The following TNS3 variants were observed in gnomAD, a reference collection of about 807,000 sequenced individuals.
TNS3 encodes the protein tensin 3, also known as tensin-3.
In TNS3, 45 loss-of-function variants were observed where a neutral mutation model predicts 140.9. The ratio of observed to expected loss-of-function variants is 0.32; its 90% CI spans 0.25 to 0.41. The LOEUF is 0.41. TNS3 is among the 10% of genes least tolerant of loss of function. TNS3 has a pLI of 1.00. For synonymous variants in TNS3, 815 were observed against 788.4 expected (o/e 1.03, Z -0.56); for missense variants, 1,716 against 1,906.7 (o/e 0.90, Z 1.86).
At chr7:47,513,211 C>T (rs1798668205) in intron 2 of TNS3, among the ~76,000 whole-genome samples, 1 of 151,952 alleles carries the variant, frequency 6.6e-6, no homozygotes, top group Admixed American at 6.6e-5. Context: ...TCACTGTCAC[C>T]CAGGCTGGAG....
chr7:47,277,578 G>C lies in TNS3; in HGVS notation c.*498C>G, dbSNP rs1047307806. 9.3e-6 allele frequency: 2 copies of C among 214,532 alleles called. No individual in the cohort carries two copies. The highest frequency in any genetic ancestry group is 1.9e-5 in the Non-Finnish European group (2 of 106,792). The allele number at this position is 214,532 out of a possible 1,614,324, so 13.3% of individuals were successfully genotyped here. On this transcript the variant is annotated 3_prime_UTR_variant, in exon 31 of 31. Coordinates refer to ENST00000311160, the MANE Select transcript of TNS3 (RefSeq NM_022748.12). Reference sequence around the variant, plus strand: ...TCGTCAAACATACGCCCCCTTCTCAGTTTCGTTAGCATCTCCATCTTGGGA... The same window carrying C: ...TCGTCAAACATACGCCCCCTTCTCACTTTCGTTAGCATCTCCATCTTGGGA...
intron 17 of TNS3, among the ~76,000 whole-genome samples, chr7:47,357,798 T>A (rs1337623909): frequency 6.6e-6 from 1 of 152,118 alleles, no homozygotes; most frequent in Non-Finnish European, 1.5e-5. Context: ...AAATTGAAAA[T>A]TCTTTCCACT....
chr7:47,296,839 G>A (rs2150658191), intron 24 of TNS3, among the ~76,000 whole-genome samples: 1 of 152,074 alleles, frequency 6.6e-6, no homozygotes, highest in South Asian at 2.1e-4. Context: ...CTTATCCCAT[G>A]GTTCTAATTT....
At chr7:47,428,149 G>C (rs779276760) in intron 9 of TNS3, among the ~76,000 whole-genome samples, 163 bp downstream of exon 9, 5 of 152,114 alleles carry the variant, frequency 3.3e-5, no homozygotes, top group Admixed American at 6.5e-5. Context: ...CGCTTAACTG[G>C]AAACTGGGTT....
chr7:47,366,875 T>C (rs1424601178), intron 17 of TNS3, among the ~76,000 whole-genome samples: 1 of 152,128 alleles, frequency 6.6e-6, no homozygotes, highest in African/African-American at 2.4e-5. Flanking sequence ...AATGGTAGCA[T>C]CTCTCATCCG....
At chr7:47,315,504 A>G (rs916928949) in intron 20 of TNS3, among the ~76,000 whole-genome samples, 7 of 152,158 alleles carry the variant, frequency 4.6e-5, no homozygotes, top group African/African-American at 1.7e-4. Context: ...CCCTTTTCCA[A>G]ACGATCTATT....
chr7:47,423,976 T>C (rs2151475253), intron 10 of TNS3, 125 bp downstream of exon 10: 1 of 955,758 alleles, frequency 1.0e-6, no homozygotes, highest in Non-Finnish European at 1.6e-6. Flanking sequence ...TCACAGTCTT[T>C]GGCATGACCC....
In TNS3 at chr7:47,377,208, G is replaced by A. The variant is rs78759812; in HGVS notation, c.1025-7587C>T. Among the ~76,000 whole-genome samples, 1,095 of 152,350 alleles carry A rather than the reference G, an allele frequency of 7.2e-3. 16 individuals carry two copies. Among genetic ancestry groups the A allele is most frequent in the African/African-American group, 0.025 (1,039 of 41,586 alleles). On this transcript the variant is annotated intron_variant, in intron 16 of 30. Transcript: ENST00000311160. Reference sequence around the variant, plus strand: ...GCTTATTGGAATGATGTCTGCAGCTGCAAGTGCCCATGGTGGGCTCTGACA... The same window carrying A: ...GCTTATTGGAATGATGTCTGCAGCTACAAGTGCCCATGGTGGGCTCTGACA...
intron 24 of TNS3, 149 bp from the exon 25 acceptor site, chr7:47,293,977 C>T (rs1785861529): frequency 1.4e-6 from 1 of 720,486 alleles, no homozygotes; most frequent in African/African-American, 1.8e-5. Flanking sequence ...CTGCCAAGAA[C>T]CATCTTCGTC....
At chr7:47,404,770 G>A (rs994077126) in intron 13 of TNS3, among the ~76,000 whole-genome samples, 4 of 152,160 alleles carry the variant, frequency 2.6e-5, no homozygotes, top group African/African-American at 9.7e-5. Flanking sequence ...TGTAGTCCCA[G>A]CTACTCGGGA....
chr7:47,392,951 T>C (rs966561079), intron 16 of TNS3, among the ~76,000 whole-genome samples: 3 of 152,208 alleles, frequency 2.0e-5, no homozygotes, highest in Non-Finnish European at 2.9e-5. Context: ...CAGGGAGAAC[T>C]TGGAAACCCT....
chr7:47,534,095 GAA>G (rs1299216335), intron 1 of TNS3, among the ~76,000 whole-genome samples: 2 of 151,998 alleles, frequency 1.3e-5, no homozygotes, highest in African/African-American at 2.4e-5. Flanking sequence ...CCAACATGGT[GAA>G]ACCCCGTCTC....
chr7:47,546,467 C>T (rs1799924358), intron 1 of TNS3, among the ~76,000 whole-genome samples: 3 of 152,082 alleles, frequency 2.0e-5, no homozygotes, highest in Admixed American at 2.0e-4. Flanking sequence ...TGAGGAAAAC[C>T]CCTCCCCAGG....
chr7:47,530,823 C>CAAAAAAAAAA (rs781707373), intron 1 of TNS3, among the ~76,000 whole-genome samples: 5 of 45,012 alleles, frequency 1.1e-4, no homozygotes, highest in African/African-American at 4.0e-4. Context: ...AACTCCATCT[C>CAAAAAAAAAA]AAAAAAAAAA....
At chr7:47,471,368 G>C (rs1161844359) in intron 4 of TNS3, among the ~76,000 whole-genome samples, 1 of 152,180 alleles carries the variant, frequency 6.6e-6, no homozygotes, top group Non-Finnish European at 1.5e-5. Flanking sequence ...TCACCGTCTC[G>C]TCTCTGGGAA....
At chr7:47,485,574 A>C (rs550541183) in intron 3 of TNS3, among the ~76,000 whole-genome samples, 1 of 152,340 alleles carries the variant, frequency 6.6e-6, no homozygotes, top group East Asian at 1.9e-4. Flanking sequence ...TCCCGTTAGC[A>C]GCTACAGAAG....
intron 10 of TNS3, among the ~76,000 whole-genome samples, chr7:47,418,047 G>T (rs1416890858): frequency 6.6e-6 from 1 of 152,218 alleles, no homozygotes; most frequent in East Asian, 1.9e-4. Flanking sequence ...CCAGCACTCT[G>T]GGAGGCTGAG....
At chr7:47,570,571 A>G (rs973518569) in intron 1 of TNS3, among the ~76,000 whole-genome samples, 1 of 152,256 alleles carries the variant, frequency 6.6e-6, no homozygotes, top group Non-Finnish European at 1.5e-5. Flanking sequence ...GCCCTAATAA[A>G]AACATGAACA....
chr7:47,577,816 C>A (rs1318902441), intron 1 of TNS3, among the ~76,000 whole-genome samples: 1 of 152,118 alleles, frequency 6.6e-6, no homozygotes, highest in Admixed American at 6.5e-5. Flanking sequence ...GCTCCCAGGG[C>A]TTCCTGCCCA....
Sources: gnomAD v4.1 joint callset for allele counts (sites outside exome capture counted in the v4.1 genomes callset) on GRCh38, gnomAD v4.1.1 for gene constraint, MANE v1.5 for transcripts, NCBI Gene and HGNC (gene_info 2026-07-23, HGNC 2026-07-21) for gene names.